The following PRIMPOL variants were observed in gnomAD, a reference collection of about 807,000 sequenced individuals.
PRIMPOL encodes the protein primase and DNA directed polymerase, also known as DNA-directed primase/polymerase protein.
Under a neutral mutation model 63.6 loss-of-function variants are expected in PRIMPOL, and 54 were observed. The ratio of observed to expected loss-of-function variants is 0.85; its 90% confidence interval spans 0.68 to 1.07. PRIMPOL has a LOEUF of 1.07. PRIMPOL is among the 50% of genes least tolerant of loss of function. PRIMPOL has a pLI of 0.00. For missense variants in PRIMPOL, 610 were observed against 648.3 expected (o/e 0.94, Z 0.64); for synonymous variants, 197 against 220.2 (o/e 0.89, Z 0.93).
chr4:184,688,308 C>T (rs1304746697), intron 11 of PRIMPOL, among the ~76,000 whole-genome samples: 4 of 152,130 alleles, frequency 2.6e-5, no homozygotes, highest in Non-Finnish European at 5.9e-5. Context: ...TCTACTGTTC[C>T]ATATTCTCAC....
chr4:184,687,725 C>T (rs1318906934), intron 11 of PRIMPOL, among the ~76,000 whole-genome samples: 1 of 152,198 alleles, frequency 6.6e-6, no homozygotes, highest in Non-Finnish European at 1.5e-5. Context: ...AGCAATTCTC[C>T]GGCCTCAGCC....
chr4:184,671,340 A>T (rs1378837655), intron 6 of PRIMPOL, among the ~76,000 whole-genome samples: 1 of 152,128 alleles, frequency 6.6e-6, no homozygotes, highest in Non-Finnish European at 1.5e-5. Flanking sequence ...AGAGCAAATG[A>T]GCTCTTGAGA....
rs749555126 is a variant in PRIMPOL at position 184,694,753 on chromosome 4, C to A, written c.1657C>A (p.Leu553Ile). 1 of 1,611,912 alleles carries A rather than the reference C, an allele frequency of 6.2e-7. No individual in the cohort carries two copies. The highest frequency in any genetic ancestry group is 1.1e-5 in the South Asian group (1 of 91,034). ...TGAAGTGGATGAAATTCCTGATGAACTAATTATAGAAGTATTACAAGAGTA... is the reference window on the plus strand; with the variant it reads ...TGAAGTGGATGAAATTCCTGATGAAATAATTATAGAAGTATTACAAGAGTA... ...NSEVDEIPDE[L>I]IIEVLQE Residue 553 changes from leucine (L) to isoleucine (I), a missense_variant, in exon 14 of 14, where the codon CTA becomes ATA. By Grantham distance (5) the Leu-to-Ile change is conservative (BLOSUM62 2). Coordinates refer to ENST00000314970, the MANE Select transcript of PRIMPOL (RefSeq NM_152683.4).
In PRIMPOL at chr4:184,661,159, C is replaced by G. The variant is rs187904573; in HGVS notation, c.279-615C>G. Among the ~76,000 whole-genome samples the G allele has an allele frequency of 4.6e-5, 7 of 151,824 alleles. No individual in the cohort carries two copies. The East Asian group carries it at 1.4e-3, about 29-fold the overall frequency. ...ATTTGTTTCATGGTGACACTAAAAA[C>G]AAATATAGAGGTATTACACAATATC... On this transcript the variant is annotated intron_variant, in intron 4 of 13. Coordinates refer to ENST00000314970, the MANE Select transcript of PRIMPOL (RefSeq NM_152683.4).
At chr4:184,675,660 GAC>G (rs1038765205) in intron 7 of PRIMPOL, among the ~76,000 whole-genome samples, 3 of 151,910 alleles carry the variant, frequency 2.0e-5, no homozygotes, top group Admixed American at 2.0e-4. Flanking sequence ...CTACTAAAAA[GAC>G]AAAAATTAGC....
chr4:184,686,715 T>A lies in PRIMPOL; in HGVS notation c.1295+1031T>A, dbSNP rs1757058202. Reference sequence around the variant, plus strand: ...TATCCTCAAGCATATGCGGCCTGTGTGCTGGACATGGGGAATGATCGGGAA... The same window carrying A: ...TATCCTCAAGCATATGCGGCCTGTGAGCTGGACATGGGGAATGATCGGGAA... On this transcript the variant is annotated intron_variant, in intron 11 of 13. Transcript: ENST00000314970. Among the ~76,000 whole-genome samples, 4 of 152,164 alleles carry A rather than the reference T, an allele frequency of 2.6e-5. No homozygotes were observed. The South Asian group carries it at 6.2e-4, about 24-fold the overall frequency.
At chr4:184,668,741 C>T (rs1750762558) in intron 6 of PRIMPOL, among the ~76,000 whole-genome samples, 1 of 152,118 alleles carries the variant, frequency 6.6e-6, no homozygotes, top group Non-Finnish European at 1.5e-5. Flanking sequence ...AAAGCATTTA[C>T]CACTTCCTGA....
At chr4:184,660,971 C>T (rs1748161277) in intron 4 of PRIMPOL, among the ~76,000 whole-genome samples, 1 of 152,174 alleles carries the variant, frequency 6.6e-6, no homozygotes, top group Non-Finnish European at 1.5e-5. Flanking sequence ...TAACTGCAAA[C>T]ATGAGCGTTG....
At chr4:184,661,366 G>A (rs1748250818) in intron 4 of PRIMPOL, among the ~76,000 whole-genome samples, 1 of 152,158 alleles carries the variant, frequency 6.6e-6, no homozygotes, top group Admixed American at 6.6e-5. Flanking sequence ...TGAAAGCACA[G>A]TTAACACAGT....
At chr4:184,656,651 A>G (rs1054670222) in intron 2 of PRIMPOL, among the ~76,000 whole-genome samples, 1 of 152,240 alleles carries the variant, frequency 6.6e-6, no homozygotes. Flanking sequence ...ACTGAGAAAT[A>G]ATAGCACAAG....
In PRIMPOL at chr4:184,672,279, AGCACCT is replaced by A. The variant is rs1237016956; in HGVS notation, c.667_672del (p.Pro223_Ala224del). On this transcript the variant is annotated inframe_deletion, in exon 7 of 14. Coordinates refer to ENST00000314970, the MANE Select transcript of PRIMPOL (RefSeq NM_152683.4). ...GCCATGGATTTCCCCATTTTTCAGA[AGCACCT>A]GCAAGACAAGGATTTTCTTTCAATA... 1 of 1,613,996 alleles carries A rather than the reference AGCACCT, an allele frequency of 6.2e-7. No individual in the cohort carries two copies. Among genetic ancestry groups the A allele is most frequent in the Non-Finnish European group, 8.5e-7 (1 of 1,180,034 alleles).
intron 7 of PRIMPOL, among the ~76,000 whole-genome samples, chr4:184,677,772 A>T (rs1230828516): frequency 6.6e-6 from 1 of 152,210 alleles, no homozygotes; most frequent in Non-Finnish European, 1.5e-5. Context: ...ATCTATGCAC[A>T]TGGTAGGCCC....
chr4:184,664,088 A>G (rs1053387030), intron 5 of PRIMPOL, among the ~76,000 whole-genome samples: 2 of 152,256 alleles, frequency 1.3e-5, no homozygotes, highest in African/African-American at 4.8e-5. Flanking sequence ...CACTCATGTA[A>G]GTTTAACTTC....
chr4:184,691,457 A>C (rs1561096735), intron 11 of PRIMPOL, 42 bp from the exon 12 acceptor site: 1 of 1,203,554 alleles, frequency 8.3e-7, no homozygotes, highest in East Asian at 2.4e-5. Context: ...TTTTCTACCC[A>C]GTCTTGGTAT....
chr4:184,679,069 A>G (rs56180712), intron 8 of PRIMPOL, among the ~76,000 whole-genome samples: 15,448 of 152,224 alleles, frequency 0.1, 942 homozygotes, highest in Middle Eastern at 0.17. Flanking sequence ...GCACATACAT[A>G]TAATTTGTAT....
intron 11 of PRIMPOL, among the ~76,000 whole-genome samples, chr4:184,690,960 G>A (rs1426564862): frequency 6.6e-6 from 1 of 152,176 alleles, no homozygotes; most frequent in Non-Finnish European, 1.5e-5. Flanking sequence ...ATGCTCAGAT[G>A]TGTTCTGTAT....
intron 1 of PRIMPOL, among the ~76,000 whole-genome samples, chr4:184,650,354 C>T (rs1289793379): frequency 5.3e-5 from 8 of 152,232 alleles, no homozygotes; most frequent in Admixed American, 1.3e-4. Context: ...AGAGGTCCTT[C>T]TGCAAAGACG....
At chr4:184,692,308 T>C (rs548481006) in intron 13 of PRIMPOL, among the ~76,000 whole-genome samples, 2 of 151,768 alleles carry the variant, frequency 1.3e-5, no homozygotes, top group East Asian at 1.9e-4. Context: ...ACCCCATCTC[T>C]ACTAAAAACA....
chr4:184,669,522 C>T (rs1482360716), intron 6 of PRIMPOL, among the ~76,000 whole-genome samples: 1 of 152,214 alleles, frequency 6.6e-6, no homozygotes, highest in Non-Finnish European at 1.5e-5. Flanking sequence ...TCGTCTGCTC[C>T]ATGGCTACTA....
Sources: gnomAD v4.1 joint callset for allele counts (sites outside exome capture counted in the v4.1 genomes callset) on GRCh38, gnomAD v4.1.1 for gene constraint, MANE v1.5 for transcripts, NCBI Gene and HGNC (gene_info 2026-07-23, HGNC 2026-07-21) for gene names.